Variants in LRMDA observed in about 807,000 individuals in gnomAD.
LRMDA encodes the protein leucine-rich melanocyte differentiation-associated protein.
In LRMDA, 18 loss-of-function variants were observed where a neutral mutation model predicts 29.8. That is an observed-to-expected ratio of 0.60 (90% CI 0.42 to 0.90). The LOEUF (loss-of-function observed/expected upper bound fraction) is 0.90. LRMDA is among the 40% of genes least tolerant of loss of function. The probability of loss-of-function intolerance (pLI) is 0.00; values close to 1 mark genes in which losing one functional copy is unlikely to be tolerated. For missense variants in LRMDA, 273 were observed against 273.9 expected (o/e 1.00, Z 0.02); for synonymous variants, 125 against 109.4 (o/e 1.14, Z -0.89).
chr10:76,507,640 A>C (rs556763674), intron 6 of LRMDA, among the ~76,000 whole-genome samples: 28 of 152,142 alleles, frequency 1.8e-4, no homozygotes, highest in African/African-American at 6.3e-4. Flanking sequence ...TCTTATATTA[A>C]GTTTTTAATC....
At chr10:76,175,726 G>A (rs1850921756) in intron 5 of LRMDA, among the ~76,000 whole-genome samples, 1 of 152,184 alleles carries the variant, frequency 6.6e-6, no homozygotes, top group Admixed American at 6.5e-5. Flanking sequence ...GAAGAGTGAA[G>A]CCTTGGCGGG....
rs200747797 is a variant in LRMDA, at chr10:75,552,749, CT to C, written c.131+114265del. On this transcript the variant is annotated intron_variant, in intron 2 of 6. Coordinates refer to ENST00000611255, the MANE Select transcript of LRMDA (RefSeq NM_001305581.2). ...ACTATTATCCTATAGCTCTCATATGCTTTTTTTTTTCCTTGTTATTATTTTG... is the reference window on the plus strand; with the variant it reads ...ACTATTATCCTATAGCTCTCATATGCTTTTTTTTTCCTTGTTATTATTTTG... 1.0e-3 allele frequency among the ~76,000 whole-genome samples: 150 copies of C among 148,186 alleles called. No homozygotes were observed. In the East Asian group the frequency reaches 0.011, roughly 11 times the overall value.
intron 2 of LRMDA, among the ~76,000 whole-genome samples, chr10:75,682,414 A>T (rs2132153518): frequency 7.0e-6 from 1 of 143,586 alleles, no homozygotes; most frequent in South Asian, 2.4e-4. Flanking sequence ...TAAAGCAACA[A>T]CCAGAAGAGT....
chr10:76,219,966 C>G (rs541966078), intron 5 of LRMDA, among the ~76,000 whole-genome samples: 2 of 152,342 alleles, frequency 1.3e-5, no homozygotes, highest in South Asian at 4.1e-4. Flanking sequence ...CAGAAACTCA[C>G]TCAAAACTGC....
At chr10:75,700,058 A>G (rs1387025801) in intron 2 of LRMDA, among the ~76,000 whole-genome samples, 1 of 152,180 alleles carries the variant, frequency 6.6e-6, no homozygotes, top group Non-Finnish European at 1.5e-5. Flanking sequence ...TTTCAGCCCC[A>G]TGTTACTAAT....
intron 2 of LRMDA, among the ~76,000 whole-genome samples, chr10:75,693,995 T>C (rs1417489719): frequency 5.3e-5 from 8 of 152,220 alleles, no homozygotes; most frequent in Non-Finnish European, 1.0e-4. Flanking sequence ...AATAATGTTC[T>C]GGGGAACATA....
chr10:76,465,916 C>G (rs532809977), intron 6 of LRMDA, among the ~76,000 whole-genome samples: 1 of 152,112 alleles, frequency 6.6e-6, no homozygotes, highest in African/African-American at 2.4e-5. Flanking sequence ...TACAAGGACA[C>G]CAGTTATATG....
intron 5 of LRMDA, among the ~76,000 whole-genome samples, chr10:76,266,466 T>A (rs1407016097): frequency 6.6e-6 from 1 of 152,222 alleles, no homozygotes; most frequent in African/African-American, 2.4e-5. Flanking sequence ...CTACTGTTTA[T>A]AGAATATTTG....
chr10:75,885,504 T>C (rs1330133174), intron 2 of LRMDA, among the ~76,000 whole-genome samples: 3 of 152,220 alleles, frequency 2.0e-5, no homozygotes, highest in Non-Finnish European at 2.9e-5. Context: ...GGCCCAGTTA[T>C]AGAAGCTCCT....
At chr10:76,114,169 C>T (rs1849626624) in intron 5 of LRMDA, among the ~76,000 whole-genome samples, 1 of 152,200 alleles carries the variant, frequency 6.6e-6, no homozygotes, top group Admixed American at 6.5e-5. Context: ...TAATCACCAG[C>T]CTCTGTGGCA....
chr10:76,144,391 T>A (rs1850269108), intron 5 of LRMDA, among the ~76,000 whole-genome samples: 2 of 152,194 alleles, frequency 1.3e-5, no homozygotes, highest in Non-Finnish European at 2.9e-5. Flanking sequence ...GTAGTTCTCC[T>A]TGAAGAGGTC....
Position 76,345,100 on chromosome 10 carries a change from TC to T in LRMDA, c.601+20616del, listed in dbSNP as rs1292758964. 2.5e-4 allele frequency among the ~76,000 whole-genome samples: 31 copies of T among 124,072 alleles called. 1 individual carries two copies. In the South Asian group the frequency reaches 2.7e-3, roughly 11 times the overall value. 81.4% of individuals were successfully genotyped at this position (124,072 alleles called of 152,430 possible). On this transcript the variant is annotated intron_variant, in intron 6 of 6. Coordinates refer to ENST00000611255, the MANE Select transcript of LRMDA (RefSeq NM_001305581.2). The stretch of plus-strand genomic sequence containing the variant: ...TTTTTTTTTTGAGACGGAGTCTCGC[TC>T]TGTCGCCCAGGCTGGAGTGCAGTGG...
chr10:75,834,152 A>T (rs1844393499), intron 2 of LRMDA, among the ~76,000 whole-genome samples: 2 of 152,178 alleles, frequency 1.3e-5, no homozygotes, highest in African/African-American at 4.8e-5. Context: ...CTAAGCTGAC[A>T]GTATTTCTGC....
At chr10:76,541,410 A>G (rs1843353759) in intron 6 of LRMDA, among the ~76,000 whole-genome samples, 1 of 152,202 alleles carries the variant, frequency 6.6e-6, no homozygotes, top group African/African-American at 2.4e-5. Context: ...CCAAGGCAGG[A>G]GAATCACTTG....
intron 2 of LRMDA, among the ~76,000 whole-genome samples, chr10:75,527,012 G>A (rs1172117304): frequency 2.0e-5 from 3 of 152,122 alleles, no homozygotes; most frequent in African/African-American, 7.2e-5. Context: ...AACCTCATAT[G>A]CATTAAGCAT....
At chr10:75,739,150 G>A (rs1031187952) in intron 2 of LRMDA, among the ~76,000 whole-genome samples, 4 of 152,196 alleles carry the variant, frequency 2.6e-5, no homozygotes, top group African/African-American at 4.8e-5. Flanking sequence ...CCAGTGCGGC[G>A]ACTTTGACAA....
intron 2 of LRMDA, among the ~76,000 whole-genome samples, chr10:75,589,758 T>TA (rs35782401): frequency 6.7e-4 from 71 of 106,388 alleles, no homozygotes; most frequent in African/African-American, 1.9e-3. Flanking sequence ...AGACCCTGTC[T>TA]AAAAAAAATA....
chr10:76,209,412 G>A (rs1851596185), intron 5 of LRMDA, among the ~76,000 whole-genome samples: 1 of 152,066 alleles, frequency 6.6e-6, no homozygotes, highest in Non-Finnish European at 1.5e-5. Flanking sequence ...TGCTGCTCAT[G>A]TTTCCCTCTG....
intron 2 of LRMDA, among the ~76,000 whole-genome samples, chr10:75,598,802 A>G (rs895110707): frequency 6.6e-6 from 1 of 152,208 alleles, no homozygotes; most frequent in African/African-American, 2.4e-5. Flanking sequence ...GCAAAAAAGC[A>G]TATTTCTGAA....
Sources: allele counts gnomAD v4.1 joint callset (sites outside exome capture counted in the v4.1 genomes callset), GRCh38; gene constraint gnomAD v4.1.1; transcripts MANE v1.5; gene names NCBI Gene and HGNC (gene_info 2026-07-23, HGNC 2026-07-21).